Variants in ZNF804B observed in about 807,000 individuals in gnomAD.
ZNF804B encodes zinc finger 804B.
ZNF804B carries 80 observed loss-of-function variants against 101.4 expected under a neutral mutation model. The observed-to-expected ratio is 0.79, with a 90% CI of 0.66 to 0.95. The LOEUF (loss-of-function observed/expected upper bound fraction) is 0.95, where lower values mean the gene tolerates loss of function less well. Among genes scored for constraint, ZNF804B ranks in the 40% least tolerant of loss-of-function variants. ZNF804B has a pLI of 0.00. For synonymous variants in ZNF804B, 622 were observed against 558.8 expected (o/e 1.11, Z -1.59); for missense variants, 1,673 against 1,561.9 (o/e 1.07, Z -1.20).
rs939647473 is a variant in ZNF804B, at chr7:89,334,511, C to G, written c.1529C>G (p.Thr510Ser). 23 of 1,613,454 alleles carry G rather than the reference C, an allele frequency of 1.4e-5. No homozygotes were observed. The highest frequency in any genetic ancestry group is 1.6e-4 in the Middle Eastern group (1 of 6,082). ...ELGKKPLELK[T>S]KRESQVSGLT... ...GGTAAGAAGCCCTTGGAATTGAAGA[C>G]TAAAAGAGAGAGCCAAGTCTCAGGT... is the stretch of plus-strand genomic sequence containing the variant. The change falls in exon 4 of 4, where the codon ACT becomes AGT. Residue 510 changes from threonine to serine, a missense_variant. Physicochemically the swap from Thr to Ser is moderately conservative, Grantham distance 58. Coordinates refer to ENST00000333190, the MANE Select transcript of ZNF804B (RefSeq NM_181646.5).
chr7:89,075,471 G>A (rs1437096820), intron 1 of ZNF804B, among the ~76,000 whole-genome samples: 3 of 152,178 alleles, frequency 2.0e-5, no homozygotes, highest in South Asian at 2.1e-4. Context: ...ATGTGGTGTT[G>A]AGCCTGCAGG....
At position 88,854,476 on chromosome 7, in the gene ZNF804B, T is replaced by TTTCTTTCC. The variant is rs1554340148; in HGVS notation, c.108+94392_108+94393insTTCTTTCC. 1.8e-4 allele frequency among the ~76,000 whole-genome samples: 9 copies of TTTCTTTCC among 48,762 alleles called. No individual in the cohort carries two copies. The South Asian group carries it at 2.8e-3, about 15-fold the overall frequency. The allele number at this position is 48,762 out of a possible 152,430, so 32.0% of individuals were successfully genotyped here. ...CTTTCTTTCTTTCTTTCTTTCTTTC[T>TTTCTTTCC]CTTTCCTTTCCTTTCCTTTCCTTTC... is the stretch of plus-strand genomic sequence containing the variant. On this transcript the variant is annotated intron_variant, in intron 1 of 3. Transcript: ENST00000333190.
chr7:89,085,882 A>T (rs1789792380), intron 1 of ZNF804B, among the ~76,000 whole-genome samples: 1 of 152,002 alleles, frequency 6.6e-6, no homozygotes, highest in Admixed American at 6.6e-5. Flanking sequence ...CAACTATGAC[A>T]ATCCCTCAAA....
At chr7:89,111,726 C>T (rs568042225) in intron 1 of ZNF804B, among the ~76,000 whole-genome samples, 1 of 152,166 alleles carries the variant, frequency 6.6e-6, no homozygotes, top group Admixed American at 6.5e-5. Flanking sequence ...TAAAAATCAA[C>T]TTATTAATTT....
intron 1 of ZNF804B, among the ~76,000 whole-genome samples, chr7:89,206,442 T>A (rs1788715716): frequency 6.6e-6 from 1 of 152,172 alleles, no homozygotes; most frequent in Admixed American, 6.5e-5. Flanking sequence ...CCAAACTATG[T>A]ATTTGTGAAT....
At chr7:88,904,676 G>T (rs1179437090) in intron 1 of ZNF804B, among the ~76,000 whole-genome samples, 1 of 151,976 alleles carries the variant, frequency 6.6e-6, no homozygotes, top group Non-Finnish European at 1.5e-5. Flanking sequence ...TCTTTGGTTA[G>T]CTGTATTTCA....
chr7:89,179,847 A>G (rs1281257575), intron 1 of ZNF804B, among the ~76,000 whole-genome samples: 1 of 152,204 alleles, frequency 6.6e-6, no homozygotes, highest in Non-Finnish European at 1.5e-5. Flanking sequence ...CTCTGCAGCC[A>G]CATCTGCATT....
chr7:88,892,641 A>G (rs1303118750), intron 1 of ZNF804B, among the ~76,000 whole-genome samples: 1 of 152,138 alleles, frequency 6.6e-6, no homozygotes, highest in East Asian at 1.9e-4. Context: ...CACATCATTA[A>G]TCAATTCTGG....
chr7:88,950,256 T>C (rs1217308626), intron 1 of ZNF804B, among the ~76,000 whole-genome samples: 2 of 151,972 alleles, frequency 1.3e-5, no homozygotes, highest in African/African-American at 2.4e-5. Flanking sequence ...CTAAATTGTT[T>C]ATCAGTTTAA....
intron 2 of ZNF804B, among the ~76,000 whole-genome samples, chr7:89,285,522 C>CAAAAAAAAAAAAAAAAAAAAAAA (rs778078214): frequency 8.9e-5 from 2 of 22,396 alleles, no homozygotes; most frequent in Non-Finnish European, 1.6e-4. Flanking sequence ...GACTCTGTCT[C>CAAAAAAAAAAAAAAAAAAAAAAA]AAAAAAAAAA....
At chr7:88,965,856 C>T (rs1232815600) in intron 1 of ZNF804B, among the ~76,000 whole-genome samples, 1 of 151,450 alleles carries the variant, frequency 6.6e-6, no homozygotes, top group Admixed American at 6.6e-5. Context: ...AATCATTTCA[C>T]CTTTCTCAAA....
chr7:89,035,553 GA>G (rs1446094510), intron 1 of ZNF804B, among the ~76,000 whole-genome samples: 2 of 151,986 alleles, frequency 1.3e-5, no homozygotes, highest in Non-Finnish European at 2.9e-5. Flanking sequence ...TTAAAGCCCG[GA>G]AGCAAAGTGT....
At chr7:89,085,838 T>C (rs1476661170) in intron 1 of ZNF804B, among the ~76,000 whole-genome samples, 1 of 152,008 alleles carries the variant, frequency 6.6e-6, no homozygotes, top group Non-Finnish European at 1.5e-5. Flanking sequence ...GCCCTCCTGT[T>C]GGTTATTCTG....
chr7:89,273,212 G>A (rs1052811356), intron 2 of ZNF804B, among the ~76,000 whole-genome samples: 2 of 151,966 alleles, frequency 1.3e-5, no homozygotes, highest in Non-Finnish European at 2.9e-5. Context: ...AACTTCAAAA[G>A]ACAGACTAAA....
intron 1 of ZNF804B, among the ~76,000 whole-genome samples, chr7:89,189,388 A>C (rs1339490025): frequency 6.6e-6 from 1 of 152,088 alleles, no homozygotes; most frequent in Non-Finnish European, 1.5e-5. Context: ...CACAAAATAT[A>C]ATTTTAGGTA....
intron 3 of ZNF804B, among the ~76,000 whole-genome samples, chr7:89,332,724 G>T (rs887110970): frequency 6.6e-6 from 1 of 151,790 alleles, no homozygotes. Context: ...AAATATTTTG[G>T]TGAGTAAGAA....
intron 1 of ZNF804B, among the ~76,000 whole-genome samples, chr7:88,959,768 G>A (rs1279810194): frequency 1.3e-5 from 2 of 151,382 alleles, no homozygotes; most frequent in African/African-American, 4.8e-5. Context: ...GGATGGAAGT[G>A]GTTTATAGCA....
At chr7:89,171,332 TTCTTCTTCTTCTTCTTCTTCTTCTTCC>T (rs1562904471) in intron 1 of ZNF804B, among the ~76,000 whole-genome samples, 54 of 120,568 alleles carry the variant, frequency 4.5e-4, no homozygotes, top group East Asian at 1.5e-3. Flanking sequence ...CTTCTTCTTC[TTCTTCTTCTTCTTCTTCTTCTTCTTCC>T]TCCTCTTCCT....
intron 1 of ZNF804B, among the ~76,000 whole-genome samples, chr7:89,144,065 T>C (rs1479591551): frequency 6.6e-6 from 1 of 152,012 alleles, no homozygotes; most frequent in East Asian, 1.9e-4. Flanking sequence ...AGTAGATATT[T>C]ATTTGTGTAA....
Sources: gnomAD v4.1 joint callset for allele counts (sites outside exome capture counted in the v4.1 genomes callset) on GRCh38, gnomAD v4.1.1 for gene constraint, MANE v1.5 for transcripts, NCBI Gene and HGNC (gene_info 2026-07-23, HGNC 2026-07-21) for gene names.